Variants in PTPRT observed in about 807,000 individuals in gnomAD.
PTPRT encodes the protein receptor-type tyrosine-protein phosphatase T.
In PTPRT, 56 loss-of-function variants were observed where a neutral mutation model predicts 176.8. The ratio of observed to expected loss-of-function variants is 0.32; its 90% CI spans 0.26 to 0.40. The LOEUF is 0.40. PTPRT is among the 10% of genes least tolerant of loss of function. The pLI, the probability that PTPRT is intolerant of heterozygous loss-of-function variation, is 1.00. For synonymous variants in PTPRT, 783 were observed against 739.0 expected (o/e 1.06, Z -0.96); for missense variants, 1,540 against 1,908.2 (o/e 0.81, Z 3.60).
chr20:42,656,391 G>A (rs539742035), intron 7 of PTPRT, among the ~76,000 whole-genome samples: 40 of 152,294 alleles, frequency 2.6e-4, no homozygotes, highest in South Asian at 1.9e-3. Flanking sequence ...CAAATAGGGG[G>A]TTGAGACTTA....
chr20:42,654,698 G>A (rs187977098), intron 7 of PTPRT, among the ~76,000 whole-genome samples: 18 of 152,246 alleles, frequency 1.2e-4, no homozygotes, highest in Middle Eastern at 3.4e-3. Context: ...AGCCTCACAG[G>A]AGCCCACTGA....
rs1009242685 is a variant in PTPRT at position 43,162,105 on chromosome 20, T to C, written c.88+27541A>G. The stretch of plus-strand genomic sequence containing the variant: ...CAAGTATGGTGCACATTTTAGGAGG[T>C]TGTTCAGTAAAACAAAATAAAAACA... On this transcript the variant is annotated intron_variant, in intron 1 of 30. Transcript: ENST00000373187. Among the ~76,000 whole-genome samples, 31 of 150,550 alleles carry C rather than the reference T, an allele frequency of 2.1e-4. 1 individual carries two copies. The highest frequency in any genetic ancestry group is 7.8e-4 in the East Asian group (4 of 5,122).
At chr20:42,729,702 C>T (rs569181080) in intron 6 of PTPRT, among the ~76,000 whole-genome samples, 2 of 152,322 alleles carry the variant, frequency 1.3e-5, no homozygotes, top group East Asian at 3.9e-4. Flanking sequence ...CACAGGATTG[C>T]ACTCAGATGT....
chr20:42,546,589 C>T (rs2072678658), intron 7 of PTPRT, among the ~76,000 whole-genome samples: 1 of 152,076 alleles, frequency 6.6e-6, no homozygotes, highest in South Asian at 2.1e-4. Context: ...GTAAGAGGTC[C>T]AGCTTGGTGC....
intron 7 of PTPRT, among the ~76,000 whole-genome samples, chr20:42,600,162 T>A (rs1489883048): frequency 6.6e-6 from 1 of 152,132 alleles, no homozygotes; most frequent in African/African-American, 2.4e-5. Flanking sequence ...TGTTTTGAGA[T>A]GGAGTCTCAC....
At chr20:42,187,466 T>C (rs1990826326) in intron 16 of PTPRT, among the ~76,000 whole-genome samples, 1 of 152,162 alleles carries the variant, frequency 6.6e-6, no homozygotes, top group South Asian at 2.1e-4. Context: ...ATTATGGAAA[T>C]GGTGATGCAC....
intron 9 of PTPRT, among the ~76,000 whole-genome samples, chr20:42,401,490 C>T (rs2145705126): frequency 6.6e-6 from 1 of 152,154 alleles, no homozygotes. Context: ...AAAATACAAG[C>T]ATTATTTTTT....
chr20:42,869,557 G>C (rs1271343931), intron 2 of PTPRT, among the ~76,000 whole-genome samples: 3 of 152,088 alleles, frequency 2.0e-5, no homozygotes, highest in Non-Finnish European at 1.5e-5. Context: ...TCCTGTGTTT[G>C]TCCCAACATT....
intron 2 of PTPRT, among the ~76,000 whole-genome samples, chr20:42,867,192 T>C (rs1023620552): frequency 6.6e-6 from 1 of 152,186 alleles, no homozygotes; most frequent in Non-Finnish European, 1.5e-5. Flanking sequence ...TGTGAAATTT[T>C]AGTTAATTCC....
the PTPRT span, among the ~76,000 whole-genome samples, chr20:42,041,410 A>G: frequency 6.6e-6 from 1 of 152,178 alleles, no homozygotes; most frequent in Non-Finnish European, 1.5e-5. Context: ...CAGGGAATAT[A>G]TTTAAGTTGC....
intron 7 of PTPRT, among the ~76,000 whole-genome samples, chr20:42,633,451 C>T (rs1156982671): frequency 6.6e-6 from 1 of 151,836 alleles, no homozygotes; most frequent in African/African-American, 2.4e-5. Flanking sequence ...ATTTAAACCC[C>T]AATCTAACAC....
intron 2 of PTPRT, among the ~76,000 whole-genome samples, chr20:42,815,040 T>C (rs1216276862): frequency 6.6e-6 from 1 of 152,186 alleles, no homozygotes; most frequent in Non-Finnish European, 1.5e-5. Context: ...AAAGATGGTC[T>C]GATATTAATT....
chr20:42,175,015 C>CA (rs1009014031), intron 16 of PTPRT, among the ~76,000 whole-genome samples: 9 of 152,064 alleles, frequency 5.9e-5, no homozygotes, highest in East Asian at 3.9e-4. Flanking sequence ...CCAGGATCCT[C>CA]AAATCTGCTG....
At position 43,155,032 on chromosome 20, in the gene PTPRT, T is replaced by C. The variant is rs551715240; in HGVS notation, c.88+34614A>G. Among the ~76,000 whole-genome samples the C allele has an allele frequency of 2.2e-4, 34 of 152,256 alleles. 2 individuals carry two copies. In the East Asian group the frequency reaches 3.3e-3, roughly 15 times the overall value. On this transcript the variant is annotated intron_variant, in intron 1 of 30. Coordinates refer to ENST00000373187, the MANE Select transcript of PTPRT (RefSeq NM_007050.6). ...TCTCACTCCGTTAGAATGGCTTTCA[T>C]CAAAATGACGAAAGAGAAGTGTTAG...
chr20:42,512,841 ATGTTTTT>A (rs1032827689), intron 7 of PTPRT, among the ~76,000 whole-genome samples: 2 of 151,766 alleles, frequency 1.3e-5, no homozygotes, highest in Non-Finnish European at 2.9e-5. Flanking sequence ...TGTCATTGTG[ATGTTTTT>A]TGTTTTTTGT....
intron 2 of PTPRT, among the ~76,000 whole-genome samples, chr20:42,885,351 T>C (rs948534250): frequency 6.8e-6 from 1 of 147,592 alleles, no homozygotes; most frequent in African/African-American, 2.5e-5. Flanking sequence ...CACACAATAA[T>C]AGATAATAAT....
chr20:42,518,146 G>C (rs900477895), intron 7 of PTPRT, among the ~76,000 whole-genome samples: 1 of 151,932 alleles, frequency 6.6e-6, no homozygotes, highest in African/African-American at 2.4e-5. Flanking sequence ...ATATCTTCAG[G>C]ATGAATTTGA....
intron 1 of PTPRT, among the ~76,000 whole-genome samples, chr20:43,117,024 C>G (rs928535631): frequency 2.6e-5 from 4 of 152,132 alleles, no homozygotes; most frequent in African/African-American, 9.7e-5. Flanking sequence ...CAGATCTGTT[C>G]CACATGACTC....
intron 11 of PTPRT, among the ~76,000 whole-genome samples, chr20:42,336,333 A>G (rs2058039468): frequency 6.6e-6 from 1 of 152,192 alleles, no homozygotes; most frequent in Non-Finnish European, 1.5e-5. Flanking sequence ...TCTGCAATCG[A>G]TAACTTTAAA....
Sources: allele counts gnomAD v4.1 joint callset (sites outside exome capture counted in the v4.1 genomes callset), GRCh38; gene constraint gnomAD v4.1.1; transcripts MANE v1.5; gene names NCBI Gene and HGNC (gene_info 2026-07-23, HGNC 2026-07-21).